The following MPP1 variants were observed in gnomAD, a reference collection of about 807,000 sequenced individuals.
MPP1 encodes MAGUK p55 scaffold protein 1.
MPP1 carries 6 observed loss-of-function variants against 38.2 expected under a neutral mutation model. That is an observed-to-expected ratio of 0.16 (90% CI 0.09 to 0.31). The LOEUF (loss-of-function observed/expected upper bound fraction) is 0.31. Among genes scored for constraint, MPP1 ranks in the 10% least tolerant of loss-of-function variants. MPP1 has a pLI of 1.00. For synonymous variants in MPP1, 153 were observed against 146.3 expected, an observed-to-expected ratio of 1.05 and a Z score of -0.33; for missense variants, 293 against 368.9, an observed-to-expected ratio of 0.79 and a Z score of 1.69.
intron 1 of MPP1, among the ~76,000 whole-genome samples, chrX:154,795,990 A>G (rs1248477249): frequency 3.6e-5 from 4 of 111,595 alleles, no homozygotes; most frequent in Non-Finnish European, 7.5e-5. Context: ...ACTCAGGTTC[A>G]AGTACTTGTG....
chrX:154,780,440 T>G (rs1051940796), intron 11 of MPP1, among the ~76,000 whole-genome samples: 1 of 112,761 alleles, frequency 8.9e-6, no homozygotes, highest in East Asian at 2.8e-4. Context: ...TATGAAAAAG[T>G]ACCTGATCAT....
intron 1 of MPP1, among the ~76,000 whole-genome samples, chrX:154,803,852 A>G (rs1212618939): frequency 1.8e-5 from 2 of 112,672 alleles, no homozygotes; most frequent in Non-Finnish European, 3.7e-5. Context: ...AGAAATAAAT[A>G]GATTTTTTAA....
intron 1 of MPP1, chrX:154,799,945 CG>C (rs1166984637): frequency 1.3e-5 from 13 of 1,006,512 alleles, no homozygotes; most frequent in Admixed American, 5.7e-5. Context: ...CGGGCGGTGG[CG>C]GGGGTGAATA....
At position 154,784,857 on chromosome X, in the gene MPP1, A is replaced by G. The variant is rs5986882; in HGVS notation, c.784+194T>C. The G allele has an allele frequency of 1.6e-4, 81 of 493,343 alleles. No individual in the cohort carries two copies. In the African/African-American group the frequency reaches 1.7e-3, roughly 11 times the overall value. 40.7% of individuals were successfully genotyped at this position (493,343 alleles called of 1,213,427 possible). A position where few individuals can be genotyped will look rare whatever the true frequency, so the allele number is the denominator to read the frequency against. On this transcript the variant is annotated intron_variant, in intron 7 of 11. Transcript: ENST00000369534. Reference sequence around the variant, plus strand: ...GTGGGCTCACCACTAGTCCTCCTTTACATCCACTGGCCTGACTGCAGCAAG... The same window carrying G: ...GTGGGCTCACCACTAGTCCTCCTTTGCATCCACTGGCCTGACTGCAGCAAG...
At position 154,781,605 on chromosome X, in the gene MPP1, G is replaced by T. The variant is rs1385051125; in HGVS notation, c.1144C>A (p.Pro382Thr). ...QNKIAILDIE[P>T]QTLKIVRTAE... ...GCCCTTCCATGCCTACCCACCTGGG[G>T]CTCAATGTCAAGGATGGCAATCTTG... Residue 382 changes from proline (P) to threonine (T), a missense_variant, in exon 10 of 12, where the codon CCC becomes ACC. Transcript: ENST00000369534. 1 of 1,208,114 alleles carries T rather than the reference G, an allele frequency of 8.3e-7. No individual in the cohort carries two copies. The highest frequency in any genetic ancestry group is 1.8e-5 in the African/African-American group (1 of 56,962).
Position 154,781,583 on chromosome X carries a change from C to A in MPP1, c.1149+17G>T. 2 of 1,206,327 alleles carry A rather than the reference C, an allele frequency of 1.7e-6. No homozygotes were observed. Among genetic ancestry groups the A allele is most frequent in the South Asian group, 3.5e-5 (2 of 56,788 alleles). ...GTGGCTGAGCCCATCTGTCCCTGCC[C>A]TTCCATGCCTACCCACCTGGGGCTC... On this transcript the variant is annotated intron_variant, in intron 10 of 11. Transcript: ENST00000369534.
chrX:154,791,669 A>T, intron 3 of MPP1, 100 bp downstream of exon 3: 1 of 778,155 alleles, frequency 1.3e-6, no homozygotes, highest in Non-Finnish European at 1.9e-6. Flanking sequence ...CAAAAATGCT[A>T]CCAGTTTGGA....
chrX:154,788,513 G>A (rs2072105692), intron 5 of MPP1, among the ~76,000 whole-genome samples: 1 of 112,026 alleles, frequency 8.9e-6, no homozygotes, highest in African/African-American at 3.2e-5. Flanking sequence ...GCTAAGTATT[G>A]GTGAGAATAC....
rs782537960 is a variant in MPP1 at position 154,793,078 on chromosome X, G to C, written c.103-793C>G. On this transcript the variant is annotated intron_variant, in intron 1 of 11. Coordinates refer to ENST00000369534, the MANE Select transcript of MPP1 (RefSeq NM_002436.4). ...ACATTTATAGTCAGGTGACACTGCA[G>C]TGCAGCGGGGAAAAATGGTCTGCAC... Among the ~76,000 whole-genome samples the C allele has an allele frequency of 4.5e-5, 5 of 112,234 alleles. No homozygotes were observed. In the East Asian group the frequency reaches 8.3e-4, roughly 19 times the overall value.
chrX:154,781,538 C>T (rs1557266631), intron 10 of MPP1, 62 bp downstream of exon 10: 66 of 1,123,289 alleles, frequency 5.9e-5, no homozygotes, highest in Non-Finnish European at 1.2e-6. Flanking sequence ...CCAAGGAGCA[C>T]TGTCTTCGCC....
Position 154,779,172 on chromosome X carries a change from C to T in MPP1, c.*5G>A. 1 of 1,204,513 alleles carries T rather than the reference C, an allele frequency of 8.3e-7. No homozygotes were observed. Among genetic ancestry groups the T allele is most frequent in the Non-Finnish European group, 1.1e-6 (1 of 892,230 alleles). On this transcript the variant is annotated 3_prime_UTR_variant, in exon 12 of 12. Transcript: ENST00000369534. ...GCATACAGTGGGTTCCCCCATTCTACAAGCTTAGTAAACCCAGGAGACAGG... is the reference window on the plus strand; with the variant it reads ...GCATACAGTGGGTTCCCCCATTCTATAAGCTTAGTAAACCCAGGAGACAGG...
chrX:154,793,125 C>T (rs961468722), intron 1 of MPP1, among the ~76,000 whole-genome samples: 12 of 111,361 alleles, frequency 1.1e-4, no homozygotes, highest in Admixed American at 5.7e-4. Flanking sequence ...TAAAAGGTCC[C>T]GAGTATAAAA....
rs782005009 is a variant in MPP1 at position 154,781,349 on chromosome X, G to T, written c.1150-36C>A. On this transcript the variant is annotated intron_variant, in intron 10 of 11. Coordinates refer to ENST00000369534, the MANE Select transcript of MPP1 (RefSeq NM_002436.4). ...AAAAGAAGGGCGGCGGGGAGGGGGG[G>T]GAAGGAAGAAAAGGAAAGTGAAAAA... 6.8e-6 allele frequency: 7 copies of T among 1,026,404 alleles called. No individual in the cohort carries two copies. In the Admixed American group the frequency reaches 1.5e-4, roughly 23 times the overall value. The allele number at this position is 1,026,404 out of a possible 1,213,427, so 84.6% of individuals were successfully genotyped here.
intron 1 of MPP1, among the ~76,000 whole-genome samples, chrX:154,800,372 G>A (rs1384940184): frequency 3.6e-5 from 4 of 111,908 alleles, no homozygotes; most frequent in African/African-American, 9.8e-5. Flanking sequence ...TGCTTCTCAG[G>A]TACTAAATCC....
intron 1 of MPP1, among the ~76,000 whole-genome samples, chrX:154,803,564 C>T (rs925500526): frequency 1.8e-5 from 2 of 111,751 alleles, no homozygotes; most frequent in African/African-American, 6.5e-5. Context: ...ATAAGAACCC[C>T]GACACAAAAT....
chrX:154,802,095 A>G (rs1470292196), intron 1 of MPP1, among the ~76,000 whole-genome samples: 1 of 111,607 alleles, frequency 9.0e-6, no homozygotes, highest in African/African-American at 3.3e-5. Flanking sequence ...AAGGTGCCGC[A>G]CTCGGCATGC....
chrX:154,788,943 A>G (rs782430123), intron 5 of MPP1, among the ~76,000 whole-genome samples: 5 of 112,070 alleles, frequency 4.5e-5, no homozygotes, highest in African/African-American at 1.6e-4. Flanking sequence ...AAGAATTCAT[A>G]CTGTATAATT....
intron 6 of MPP1, among the ~76,000 whole-genome samples, chrX:154,785,816 G>A (rs1557267138): frequency 3.6e-5 from 4 of 112,331 alleles, no homozygotes; most frequent in Non-Finnish European, 3.8e-5. Context: ...GTGCCTAAAG[G>A]ACACATACTT....
chrX:154,792,555 A>G (rs2072154637), intron 1 of MPP1: 3 of 273,453 alleles, frequency 1.1e-5, no homozygotes, highest in Non-Finnish European at 2.0e-5. Context: ...TAAATAAAAT[A>G]GACATGTTTA....
Sources: gnomAD v4.1 joint callset for allele counts (sites outside exome capture counted in the v4.1 genomes callset) on GRCh38, gnomAD v4.1.1 for gene constraint, MANE v1.5 for transcripts, NCBI Gene and HGNC (gene_info 2026-07-23, HGNC 2026-07-21) for gene names.